The following SLC16A6 variants were observed in gnomAD, a reference collection of about 807,000 sequenced individuals.
SLC16A6 encodes solute carrier family 16 member 6.
A neutral mutation model predicts 33.8 loss-of-function variants in SLC16A6; 15 were observed. That is an observed-to-expected ratio of 0.44 (90% confidence interval 0.30 to 0.68). The LOEUF is 0.68. Ranked by LOEUF, SLC16A6 falls within the 30% of genes least tolerant of loss-of-function variation. The probability of loss-of-function intolerance (pLI) is 0.10; values close to 1 mark genes in which losing one functional copy is unlikely to be tolerated. For synonymous variants in SLC16A6, 219 were observed against 248.4 expected (o/e 0.88, Z 1.11); for missense variants, 451 against 661.5 (o/e 0.68, Z 3.49).
At position 68,272,701 on chromosome 17, in the gene SLC16A6, C is replaced by A. The variant is rs782295405; in HGVS notation, c.443G>T (p.Arg148Leu). ...GGAAGCAACTGCAGTGACTATGGAA[C>A]GTCTTTTGCCAAAATATTGTGATAG... ...TILSQYFGKR[R>L]SIVTAVASTG... Residue 148 changes from arginine to leucine, a missense_variant, in exon 4 of 6, where the codon CGT becomes CTT. Arg to Leu is a moderately radical substitution (Grantham distance 102, BLOSUM62 -2). Transcript: ENST00000580666. 1 of 1,614,136 alleles carries A rather than the reference C, an allele frequency of 6.2e-7. No homozygotes were observed. Among genetic ancestry groups the A allele is most frequent in the South Asian group, 1.1e-5 (1 of 91,084 alleles).
chr17:68,268,987 G>A lies in SLC16A6; in HGVS notation c.*109C>T, dbSNP rs1458931320. 12 of 1,528,970 alleles carry A rather than the reference G, an allele frequency of 7.8e-6. No homozygotes were observed. Among genetic ancestry groups the A allele is most frequent in the Non-Finnish European group, 1.1e-5 (12 of 1,138,860 alleles). 94.7% of individuals were successfully genotyped at this position (1,528,970 alleles called of 1,614,324 possible). On this transcript the variant is annotated 3_prime_UTR_variant, in exon 6 of 6. Transcript: ENST00000580666. Reference sequence around the variant, plus strand: ...ACATACACATTCCCTTTAAAATGTAGTTTTGAAAGTGGAGTAGAGGGGTTA... The same window carrying A: ...ACATACACATTCCCTTTAAAATGTAATTTTGAAAGTGGAGTAGAGGGGTTA...
At chr17:68,283,469 C>G (rs2075763000) in intron 1 of SLC16A6, among the ~76,000 whole-genome samples, 1 of 148,550 alleles carries the variant, frequency 6.7e-6, no homozygotes. Flanking sequence ...TGCATTGAGC[C>G]GAGATCGCGC....
In SLC16A6 at chr17:68,278,740, C is replaced by G. The variant is rs371572187; in HGVS notation, c.-7-413G>C. 6.6e-5 allele frequency among the ~76,000 whole-genome samples: 10 copies of G among 151,688 alleles called. No individual in the cohort carries two copies. In the East Asian group the frequency reaches 1.8e-3, roughly 27 times the overall value. ...GTTCAAGTGATTCTCCTGCCTCAGCCTCCCGAGTAGCTGGGATTACAGATG... is the reference window on the plus strand; with the variant it reads ...GTTCAAGTGATTCTCCTGCCTCAGCGTCCCGAGTAGCTGGGATTACAGATG... On this transcript the variant is annotated intron_variant, in intron 1 of 5. Transcript: ENST00000580666.
Position 68,271,023 on chromosome 17 carries a change from A to T in SLC16A6, c.1137T>A (p.Ala379=). The change falls in exon 5 of 6, where the codon GCT becomes GCA. Residue 379 remains alanine, a synonymous_variant. Transcript: ENST00000580666. The surrounding 1 kb of genome is among the most constrained non-coding windows in gnomAD (Gnocchi z 5.3). ...ATGACATTAGACCCCAGAATTCAGT[A>T]GCAAAAGTAAAGGCAAACAGAGACA... ...LTVSLFAFTF[A]TEFWGLMSCS... 2 of 1,614,218 alleles carry T rather than the reference A, an allele frequency of 1.2e-6. No individual in the cohort carries two copies. Among genetic ancestry groups the T allele is most frequent in the Non-Finnish European group, 1.7e-6 (2 of 1,180,048 alleles).
intron 2 of SLC16A6, among the ~76,000 whole-genome samples, chr17:68,275,242 A>G (rs2075476140): frequency 1.3e-5 from 2 of 152,206 alleles, no homozygotes; most frequent in South Asian, 4.1e-4. Flanking sequence ...TTTCCTAGTT[A>G]TAGGTTACTT....
intron 2 of SLC16A6, among the ~76,000 whole-genome samples, chr17:68,276,055 A>G (rs1401468722): frequency 1.3e-5 from 2 of 152,090 alleles, no homozygotes; most frequent in Non-Finnish European, 2.9e-5. Context: ...GAAACTTGTA[A>G]GGGATAGTAT....
chr17:68,278,397 G>T, intron 1 of SLC16A6, 70 bp from the exon 2 acceptor site: 1 of 924,574 alleles, frequency 1.1e-6, no homozygotes, highest in Non-Finnish European at 1.7e-6. Flanking sequence ...ATACTCTTAA[G>T]CAAACAACAG....
At position 68,278,282 on chromosome 17, in the gene SLC16A6, A is replaced by G. The variant is rs782557390; in HGVS notation, c.39T>C (p.Asn13=). The change falls in exon 2 of 6, where the codon AAT becomes AAC. Residue 13 remains asparagine, a synonymous_variant. Transcript: ENST00000580666. The part of the protein sequence containing the change: ...QNKLKLCSKA[N]VYTEVPDGGW... ...CTCCATCAGGCACTTCAGTATACAC[A>G]TTGGCTTTGGAACAAAGCTTTAATT... 1.2e-6 allele frequency: 2 copies of G among 1,613,954 alleles called. No individual in the cohort carries two copies. The highest frequency in any genetic ancestry group is 1.7e-5 in the Admixed American group (1 of 59,978).
At position 68,271,779 on chromosome 17, in the gene SLC16A6, C is replaced by T. The variant is rs1239367042; in HGVS notation, c.506-125G>A. 2.8e-6 allele frequency: 2 copies of T among 706,358 alleles called. No individual in the cohort carries two copies. The highest frequency in any genetic ancestry group is 5.8e-5 in the Admixed American group (2 of 34,436). The allele number at this position is 706,358 out of a possible 1,614,324, so 43.8% of individuals were successfully genotyped here. ...ATAAGTTCTGTGGAAATTTATTATA[C>T]TCAGCAGTATGAATGTACTCAATCT... On this transcript the variant is annotated intron_variant, in intron 4 of 5. Coordinates refer to ENST00000580666, the MANE Select transcript of SLC16A6 (RefSeq NM_004694.5). The surrounding 1 kb of genome is among the most constrained non-coding windows in gnomAD (Gnocchi z 5.3).
At chr17:68,280,179 CAAAAA>C (rs58937538) in intron 1 of SLC16A6, among the ~76,000 whole-genome samples, 2 of 87,582 alleles carry the variant, frequency 2.3e-5, no homozygotes, top group Non-Finnish European at 2.3e-5. Context: ...AACTCTGTCT[CAAAAA>C]AAAAAAAAAA....
In SLC16A6 at chr17:68,271,582, A is replaced by G. The variant is rs782214885; in HGVS notation, c.578T>C (p.Ile193Thr). 1 of 1,614,188 alleles carries G rather than the reference A, an allele frequency of 6.2e-7. No individual in the cohort carries two copies. The highest frequency in any genetic ancestry group is 8.5e-7 in the Non-Finnish European group (1 of 1,180,032). Residue 193 changes from isoleucine to threonine, a missense_variant, in exon 5 of 6, where the codon ATT (isoleucine) becomes ACT (threonine). Ile to Thr is a moderately conservative substitution (Grantham distance 89). Transcript: ENST00000580666. The surrounding 1 kb of genome is among the most constrained non-coding windows in gnomAD (Gnocchi z 5.3). ...LLFVGLLQLN[I>T]VIFGALLRPI... The stretch of plus-strand genomic sequence containing the variant: ...TCTGAGCAGTGCTCCGAAGATGACA[A>G]TGTTTAACTGTAGTAGGCCCACGAA...
At chr17:68,272,866 A>C in intron 3 of SLC16A6, 99 bp from the exon 4 acceptor site, 2 of 1,469,582 alleles carry the variant, frequency 1.4e-6, no homozygotes, top group Non-Finnish European at 1.9e-6. Flanking sequence ...TGCTTTTTGA[A>C]TCTTAAGTTC....
At chr17:68,287,133 G>A (rs148134689) in intron 1 of SLC16A6, among the ~76,000 whole-genome samples, 2 of 152,186 alleles carry the variant, frequency 1.3e-5, no homozygotes, top group East Asian at 1.9e-4. Flanking sequence ...ACAGGCATGC[G>A]CCACCATGCC....
chr17:68,284,437 C>A (rs1407501372), intron 1 of SLC16A6, among the ~76,000 whole-genome samples: 1 of 152,064 alleles, frequency 6.6e-6, no homozygotes, highest in Non-Finnish European at 1.5e-5. Context: ...AAAGAAAATT[C>A]TTTACAATTA....
At chr17:68,291,448 G>C (rs2145234379), upstream of SLC16A6, 1 of 151,016 alleles carries the variant, frequency 6.6e-6, no homozygotes, top group East Asian at 2.0e-4. Flanking sequence ...ACCATGTGCT[G>C]CGAGCGCTGA....
rs2075780278 is a variant in SLC16A6, at chr17:68,283,915, T to C, written c.-7-5588A>G. Among the ~76,000 whole-genome samples the C allele has an allele frequency of 3.7e-5, 5 of 135,432 alleles. No individual in the cohort carries two copies. In the South Asian group the frequency reaches 1.2e-3, roughly 33 times the overall value. The allele number at this position is 135,432 out of a possible 152,430, so 88.8% of individuals were successfully genotyped here. A position where few individuals can be genotyped will look rare whatever the true frequency, so the allele number is the denominator to read the frequency against. On this transcript the variant is annotated intron_variant, in intron 1 of 5. Transcript: ENST00000580666. The stretch of plus-strand genomic sequence containing the variant: ...AAAAAAAAGACCAGCCTGGCCAACA[T>C]AGCAAAACACTGTCTCTACTAAAAA...
intron 1 of SLC16A6, among the ~76,000 whole-genome samples, chr17:68,286,348 A>G (rs1417722202): frequency 1.3e-5 from 2 of 152,180 alleles, no homozygotes; most frequent in African/African-American, 2.4e-5. Flanking sequence ...GGGAAAATTG[A>G]GGTTATCTTT....
chr17:68,276,095 CTCTT>C (rs1206416375), intron 2 of SLC16A6, among the ~76,000 whole-genome samples: 2 of 152,000 alleles, frequency 1.3e-5, no homozygotes, highest in South Asian at 2.1e-4. Flanking sequence ...TTCTCTCTCT[CTCTT>C]TTTTTATTTT....
intron 1 of SLC16A6, among the ~76,000 whole-genome samples, chr17:68,280,587 A>G (rs1335297871): frequency 6.6e-6 from 1 of 152,246 alleles, no homozygotes; most frequent in Admixed American, 6.5e-5. Flanking sequence ...GGATATCAAT[A>G]CAAACAATGA....
Sources: allele counts gnomAD v4.1 joint callset (sites outside exome capture counted in the v4.1 genomes callset), GRCh38; gene constraint gnomAD v4.1.1; non-coding constraint Gnocchi (gnomAD v3.1); transcripts MANE v1.5; gene names NCBI Gene and HGNC (gene_info 2026-07-23, HGNC 2026-07-21).